The following RNF214 variants were observed in gnomAD, a reference collection of about 807,000 sequenced individuals.
RNF214 encodes the protein ring finger protein 214.
In RNF214, 25 loss-of-function variants were observed where a neutral mutation model predicts 75.9. The ratio of observed to expected loss-of-function variants is 0.33; its 90% CI spans 0.24 to 0.46. The LOEUF (loss-of-function observed/expected upper bound fraction) is 0.46, where lower values mean the gene tolerates loss of function less well. RNF214 is among the 20% of genes least tolerant of loss of function. RNF214 has a pLI of 1.00. For missense variants in RNF214, 725 were observed against 857.5 expected, an observed-to-expected ratio of 0.85 and a Z score of 1.93; for synonymous variants, 314 against 308.8, an observed-to-expected ratio of 1.02 and a Z score of -0.18.
At chr11:117,240,232 A>G (rs2033033733) in intron 4 of RNF214, among the ~76,000 whole-genome samples, 1 of 151,816 alleles carries the variant, frequency 6.6e-6, no homozygotes, top group African/African-American at 2.4e-5. Flanking sequence ...GCATGCCTAT[A>G]GTCCTAGCTA....
Position 117,240,836 on chromosome 11 carries a change from G to C in RNF214, c.678+976G>C, listed in dbSNP as rs538509088. ...GCGGGTGGATCACCTGAGGTCAGGA[G>C]TTTGAGACCAGCCTGACTAACATGG... On this transcript the variant is annotated intron_variant, in intron 4 of 14. Coordinates refer to ENST00000300650, the MANE Select transcript of RNF214 (RefSeq NM_207343.4). 5.7e-4 allele frequency among the ~76,000 whole-genome samples: 86 copies of C among 152,166 alleles called. 1 individual carries two copies. The South Asian group carries it at 0.017, about 31-fold the overall frequency.
chr11:117,257,353 A>T (rs943182345), intron 6 of RNF214, among the ~76,000 whole-genome samples: 1 of 152,210 alleles, frequency 6.6e-6, no homozygotes, highest in Non-Finnish European at 1.5e-5. Flanking sequence ...TCATTATCAG[A>T]CTAGTGGTGG....
At chr11:117,279,494 G>A (rs608840) in intron 6 of RNF214, among the ~76,000 whole-genome samples, 20,018 of 151,996 alleles carry the variant, frequency 0.13, 1,316 homozygotes, top group African/African-American at 0.15. Context: ...GCGCCATCAC[G>A]CCCAGCTAAT....
chr11:117,283,123 C>A lies in RNF214; in HGVS notation c.1959C>A (p.Ala653=), dbSNP rs778418941. Residue 653 remains alanine, a synonymous_variant, in exon 14 of 15, where the codon GCC becomes GCA. Coordinates refer to ENST00000300650, the MANE Select transcript of RNF214 (RefSeq NM_207343.4). Reference sequence around the variant, plus strand: ...CCGCCTCTGTTCTACAGGCTCCAGCCACCTGTAAGCTATGTCTAATGTGCC... The same window carrying A: ...CCGCCTCTGTTCTACAGGCTCCAGCAACCTGTAAGCTATGTCTAATGTGCC... ...SYPGRSSHAP[A]TCKLCLMCQK... The A allele has an allele frequency of 4.3e-6, 7 of 1,613,214 alleles. No homozygotes were observed. The African/African-American group carries it at 9.3e-5, about 22-fold the overall frequency.
chr11:117,272,382 A>G (rs1362289531), intron 6 of RNF214, among the ~76,000 whole-genome samples: 1 of 152,190 alleles, frequency 6.6e-6, no homozygotes, highest in East Asian at 1.9e-4. Flanking sequence ...TGGGAGTTGA[A>G]CAGTGAGAAC....
In RNF214 at chr11:117,247,557, A is replaced by G. The variant is rs76816117; in HGVS notation, c.959+609A>G. 5.0e-3 allele frequency among the ~76,000 whole-genome samples: 748 copies of G among 149,202 alleles called. 9 individuals carry two copies. The highest frequency in any genetic ancestry group is 0.016 in the African/African-American group (668 of 40,912). The stretch of plus-strand genomic sequence containing the variant: ...TCTCACTTTATAACCTGATATTTAC[A>G]AGTTCAGACCATGGGACAGGCACAG... On this transcript the variant is annotated intron_variant, in intron 6 of 14. Coordinates refer to ENST00000300650, the MANE Select transcript of RNF214 (RefSeq NM_207343.4).
chr11:117,283,120 A>G lies in RNF214; in HGVS notation c.1956A>G (p.Pro652=). Residue 652 remains proline (P), a synonymous_variant, in exon 14 of 15, where the codon CCA becomes CCG. Coordinates refer to ENST00000300650, the MANE Select transcript of RNF214 (RefSeq NM_207343.4). The part of the protein sequence containing the change: ...VSYPGRSSHA[P]ATCKLCLMCQ... Reference sequence around the variant, plus strand: ...ATGCCGCCTCTGTTCTACAGGCTCCAGCCACCTGTAAGCTATGTCTAATGT... The same window carrying G: ...ATGCCGCCTCTGTTCTACAGGCTCCGGCCACCTGTAAGCTATGTCTAATGT... The G allele has an allele frequency of 1.2e-6, 2 of 1,613,272 alleles. No individual in the cohort carries two copies. Among genetic ancestry groups the G allele is most frequent in the South Asian group, 1.1e-5 (1 of 91,046 alleles).
At chr11:117,266,074 A>G (rs1033085661) in intron 6 of RNF214, among the ~76,000 whole-genome samples, 3 of 152,224 alleles carry the variant, frequency 2.0e-5, no homozygotes, top group Non-Finnish European at 4.4e-5. Flanking sequence ...GCAGTAGTCT[A>G]TTGTATGAAT....
At chr11:117,271,056 C>T (rs1331217265) in intron 6 of RNF214, among the ~76,000 whole-genome samples, 3 of 152,056 alleles carry the variant, frequency 2.0e-5, no homozygotes, top group Admixed American at 6.6e-5. Context: ...TGTGCCACCA[C>T]GCTTGGCTAA....
At chr11:117,250,398 T>G (rs2033339558) in intron 6 of RNF214, among the ~76,000 whole-genome samples, 1 of 152,160 alleles carries the variant, frequency 6.6e-6, no homozygotes, top group Admixed American at 6.5e-5. Flanking sequence ...CCCATGTTGT[T>G]GAAAAAAGTT....
chr11:117,258,364 GC>G (rs1415890566), intron 6 of RNF214, among the ~76,000 whole-genome samples: 1 of 151,988 alleles, frequency 6.6e-6, no homozygotes, highest in African/African-American at 2.4e-5. Context: ...ACCACGCCCA[GC>G]CCCGTCTTTT....
At chr11:117,261,952 T>C (rs1272865362) in intron 6 of RNF214, among the ~76,000 whole-genome samples, 1 of 151,530 alleles carries the variant, frequency 6.6e-6, no homozygotes, top group Non-Finnish European at 1.5e-5. Context: ...GGCCCATTGA[T>C]TTATTTTTTT....
At chr11:117,239,154 G>C (rs1209295618) in intron 3 of RNF214, 43 bp downstream of exon 3, 1 of 1,542,146 alleles carries the variant, frequency 6.5e-7, no homozygotes, top group Non-Finnish European at 8.8e-7. Flanking sequence ...ATTGGGGGGT[G>C]GTGGGGTTCA....
chr11:117,270,801 G>A (rs903006047), intron 6 of RNF214, among the ~76,000 whole-genome samples: 1 of 152,148 alleles, frequency 6.6e-6, no homozygotes, highest in African/African-American at 2.4e-5. Flanking sequence ...GTGCAGGCTG[G>A]TCTCAACTCA....
intron 3 of RNF214, chr11:117,239,477 C>A: frequency 2.2e-6 from 1 of 457,272 alleles, no homozygotes; most frequent in South Asian, 2.4e-5. Context: ...TACAGTGTAT[C>A]CTGCCTTCTA....
chr11:117,281,806 C>CA, intron 10 of RNF214, 88 bp from the exon 11 acceptor site: 1 of 1,526,494 alleles, frequency 6.6e-7, no homozygotes, highest in Non-Finnish European at 9.0e-7. Flanking sequence ...CTATTCAGTG[C>CA]AAGAGTTGTT....
At chr11:117,258,930 C>T (rs563523187) in intron 6 of RNF214, among the ~76,000 whole-genome samples, 1 of 151,970 alleles carries the variant, frequency 6.6e-6, no homozygotes, top group African/African-American at 2.4e-5. Flanking sequence ...TCATGTTGTC[C>T]GTTTTTACTG....
Position 117,246,836 on chromosome 11 carries a change from A to G in RNF214, c.847A>G (p.Thr283Ala). The G allele has an allele frequency of 6.2e-7, 1 of 1,609,504 alleles. No homozygotes were observed. Among genetic ancestry groups the G allele is most frequent in the Middle Eastern group, 1.7e-4 (1 of 6,038 alleles). The change falls in exon 6 of 15, where the codon ACA becomes GCA. Residue 283 changes from threonine to alanine, a missense_variant. Around this residue, in one of 2 missense-constraint regions of RNF214, gnomAD observed 362 missense variants for 344.5 expected, o/e 1.05. Transcript: ENST00000300650. ...GATATTAAAGGCTATTCAGGATGTG[A>G]CAATAAAGCGGGAAGAAACAAAGAA... Reference protein sequence around the residue: ...QEILKAIQDVTIKREETKKKI... With the variant: ...QEILKAIQDVAIKREETKKKI...
chr11:117,264,589 G>A (rs2033752861), intron 6 of RNF214, among the ~76,000 whole-genome samples: 1 of 152,002 alleles, frequency 6.6e-6, no homozygotes, highest in African/African-American at 2.4e-5. Context: ...ACATTGATAA[G>A]TTGGCTATTT....
Sources: gnomAD v4.1 joint callset for allele counts (sites outside exome capture counted in the v4.1 genomes callset) on GRCh38, gnomAD v4.1.1 for gene constraint, gnomAD v4.1.1 regional missense constraint, MANE v1.5 for transcripts, NCBI Gene and HGNC (gene_info 2026-07-23, HGNC 2026-07-21) for gene names.